Variants in KCNH5 observed in about 807,000 individuals in gnomAD.
KCNH5 encodes the protein potassium voltage-gated channel subfamily H member 5.
KCNH5 carries 46 observed loss-of-function variants against 96.1 expected under a neutral mutation model. That is an observed-to-expected ratio of 0.48 (90% confidence interval 0.38 to 0.61). The LOEUF (loss-of-function observed/expected upper bound fraction) is 0.61. Ranked by LOEUF, KCNH5 falls within the 20% of genes least tolerant of loss-of-function variation. The pLI, the probability that KCNH5 is intolerant of heterozygous loss-of-function variation, is 0.00. For missense variants in KCNH5, 907 were observed against 1,225.8 expected, an observed-to-expected ratio of 0.74 and a Z score of 3.88; for synonymous variants, 439 against 449.8, an observed-to-expected ratio of 0.98 and a Z score of 0.30.
Position 62,878,208 on chromosome 14 carries a change from G to C in KCNH5, c.1370-28356C>G, listed in dbSNP as rs187887752. Among the ~76,000 whole-genome samples, 1,187 of 121,384 alleles carry C rather than the reference G, an allele frequency of 9.8e-3. 11 individuals are homozygous for C. The highest frequency in any genetic ancestry group is 0.019 in the Middle Eastern group (4 of 214). 79.6% of individuals were successfully genotyped at this position (121,384 alleles called of 152,430 possible). A position where few individuals can be genotyped will look rare whatever the true frequency, so the allele number is the denominator to read the frequency against. ...TGGGGACTGTTGTGGGGATGGGGGG[G>C]GGGGCGGAGGGATAGCATTAGGAGA... On this transcript the variant is annotated intron_variant, in intron 7 of 10. Coordinates refer to ENST00000322893, the MANE Select transcript of KCNH5 (RefSeq NM_139318.5).
At chr14:62,777,802 T>A (rs1221727165) in intron 10 of KCNH5, among the ~76,000 whole-genome samples, 1 of 152,098 alleles carries the variant, frequency 6.6e-6, no homozygotes, top group African/African-American at 2.4e-5. Flanking sequence ...GAAGACTGAG[T>A]CCACACCAGT....
chr14:62,744,013 C>T (rs1427173663), intron 10 of KCNH5, among the ~76,000 whole-genome samples: 1 of 152,126 alleles, frequency 6.6e-6, no homozygotes, highest in Non-Finnish European at 1.5e-5. Flanking sequence ...TGAACTCTTA[C>T]AACTTCAGGG....
intron 7 of KCNH5, among the ~76,000 whole-genome samples, chr14:62,905,535 A>C (rs1330396360): frequency 6.6e-6 from 1 of 152,172 alleles, no homozygotes; most frequent in Admixed American, 6.5e-5. Flanking sequence ...GTTAGGTAAG[A>C]GTCTTGGACT....
intron 8 of KCNH5, among the ~76,000 whole-genome samples, chr14:62,849,170 T>C (rs1887755697): frequency 6.6e-6 from 1 of 152,184 alleles, no homozygotes; most frequent in Admixed American, 6.6e-5. Flanking sequence ...TAAAGACTTA[T>C]AAGTTCTTTA....
intron 7 of KCNH5, among the ~76,000 whole-genome samples, chr14:62,851,193 A>G (rs191029157): frequency 6.6e-6 from 1 of 152,290 alleles, no homozygotes; most frequent in Admixed American, 6.5e-5. Flanking sequence ...CAATTTTTTA[A>G]GACAGATTTT....
chr14:62,812,776 T>C (rs1886898841), intron 8 of KCNH5, among the ~76,000 whole-genome samples: 1 of 152,100 alleles, frequency 6.6e-6, no homozygotes, highest in Non-Finnish European at 1.5e-5. Context: ...AGGAAAAAAC[T>C]CTTCCATTAT....
intron 6 of KCNH5, among the ~76,000 whole-genome samples, chr14:62,977,952 A>G (rs1280573424): frequency 2.6e-5 from 4 of 152,218 alleles, no homozygotes; most frequent in Admixed American, 2.0e-4. Context: ...GTAAATGGAT[A>G]GTCCCAGAGC....
At chr14:62,842,804 TA>T (rs1277271780) in intron 8 of KCNH5, among the ~76,000 whole-genome samples, 2 of 152,216 alleles carry the variant, frequency 1.3e-5, no homozygotes, top group Non-Finnish European at 2.9e-5. Flanking sequence ...GCTGTCCTAA[TA>T]AAAAGTTGTT....
chr14:63,025,055 T>G (rs541394175), intron 1 of KCNH5, among the ~76,000 whole-genome samples: 5 of 152,256 alleles, frequency 3.3e-5, no homozygotes, highest in African/African-American at 1.2e-4. Context: ...TGGTATTTAT[T>G]CCTGAGATGC....
chr14:62,967,246 A>AT (rs1334397935), intron 6 of KCNH5, among the ~76,000 whole-genome samples: 44 of 151,182 alleles, frequency 2.9e-4, no homozygotes, highest in South Asian at 2.1e-4. Context: ...TGATGAGGGA[A>AT]TTTTTTTTTC....
chr14:62,911,159 CA>C (rs2140100728), intron 7 of KCNH5, among the ~76,000 whole-genome samples: 1 of 151,788 alleles, frequency 6.6e-6, no homozygotes, highest in South Asian at 2.1e-4. Flanking sequence ...GAAGGACACA[CA>C]AGAATATATG....
At chr14:62,818,963 A>G (rs993948796) in intron 8 of KCNH5, among the ~76,000 whole-genome samples, 1 of 152,016 alleles carries the variant, frequency 6.6e-6, no homozygotes, top group Non-Finnish European at 1.5e-5. Context: ...TTATTTATTT[A>G]TTTTATCTAT....
chr14:62,722,049 G>C (rs1289044659), intron 10 of KCNH5, among the ~76,000 whole-genome samples: 3 of 152,090 alleles, frequency 2.0e-5, no homozygotes, highest in Non-Finnish European at 4.4e-5. Flanking sequence ...TTGAAAATTT[G>C]GAAAAATATT....
intron 8 of KCNH5, among the ~76,000 whole-genome samples, chr14:62,829,384 C>T (rs996434119): frequency 2.0e-5 from 3 of 152,220 alleles, no homozygotes; most frequent in Non-Finnish European, 4.4e-5. Context: ...TCCCTAAGGG[C>T]TCCACCCCTG....
chr14:62,996,903 T>C lies in KCNH5; in HGVS notation c.433+4428A>G, dbSNP rs983960957. Among the ~76,000 whole-genome samples, 6 of 152,210 alleles carry C rather than the reference T, an allele frequency of 3.9e-5. No individual in the cohort carries two copies. In the East Asian group the frequency reaches 5.8e-4, roughly 15 times the overall value. Reference sequence around the variant, plus strand: ...CTTTTTTGAGAGGAAAAGACTATGATCAAAGCTTTTTACTCAGTCTGATTA... The same window carrying C: ...CTTTTTTGAGAGGAAAAGACTATGACCAAAGCTTTTTACTCAGTCTGATTA... On this transcript the variant is annotated intron_variant, in intron 4 of 10. Coordinates refer to ENST00000322893, the MANE Select transcript of KCNH5 (RefSeq NM_139318.5).
chr14:62,999,540 A>T (rs1890972502), intron 4 of KCNH5, among the ~76,000 whole-genome samples: 1 of 152,112 alleles, frequency 6.6e-6, no homozygotes, highest in Admixed American at 6.5e-5. Context: ...GCCATAAAAA[A>T]TGATGAGTTT....
chr14:63,013,252 T>C (rs905461906), intron 2 of KCNH5, among the ~76,000 whole-genome samples: 1 of 152,136 alleles, frequency 6.6e-6, no homozygotes, highest in Non-Finnish European at 1.5e-5. Context: ...AACTGTGGCA[T>C]GTAATCATTT....
At chr14:62,824,861 A>G (rs1256608938) in intron 8 of KCNH5, among the ~76,000 whole-genome samples, 1 of 151,698 alleles carries the variant, frequency 6.6e-6, no homozygotes, top group Non-Finnish European at 1.5e-5. Flanking sequence ...ATAAGTGGAA[A>G]CACCTCTGGT....
chr14:62,971,270 G>A (rs542403857), intron 6 of KCNH5, among the ~76,000 whole-genome samples: 25 of 152,018 alleles, frequency 1.6e-4, no homozygotes, highest in Non-Finnish European at 3.1e-4. Flanking sequence ...ATTTACTTTA[G>A]CCCTCCCCAA....
Sources: gnomAD v4.1 joint callset for allele counts (sites outside exome capture counted in the v4.1 genomes callset) on GRCh38, gnomAD v4.1.1 for gene constraint, MANE v1.5 for transcripts, NCBI Gene and HGNC (gene_info 2026-07-23, HGNC 2026-07-21) for gene names.